The following AKR1D1 variants were observed in gnomAD, a reference collection of about 807,000 sequenced individuals.
The protein encoded by AKR1D1 is delta(4)-3-ketosteroid 5-beta-reductase.
In AKR1D1, 32 loss-of-function variants were observed where a neutral mutation model predicts 42.6. That is an observed-to-expected ratio of 0.75 (90% CI 0.57 to 1.01). AKR1D1 has a LOEUF of 1.01. AKR1D1 is among the 50% of genes least tolerant of loss of function. AKR1D1 has a pLI of 0.00. For missense variants in AKR1D1, 364 were observed against 402.2 expected (o/e 0.91, Z 0.81); for synonymous variants, 123 against 135.5 (o/e 0.91, Z 0.64).
Position 138,098,850 on chromosome 7 carries a change from C to G in AKR1D1, c.456+907C>G, listed in dbSNP as rs1484287054. ...GGAAGAAGATAATACAGGAGAGGAT[C>G]GGTTGGTCCTTTTGCACTTCCTTCA... On this transcript the variant is annotated intron_variant, in intron 4 of 8. Coordinates refer to ENST00000242375, the MANE Select transcript of AKR1D1 (RefSeq NM_005989.4). Among the ~76,000 whole-genome samples, 3 of 151,988 alleles carry G rather than the reference C, an allele frequency of 2.0e-5. 1 individual carries two copies. The highest frequency in any genetic ancestry group is 4.4e-5 in the Non-Finnish European group (3 of 68,014).
chr7:138,088,884 T>A, intron 2 of AKR1D1, 116 bp downstream of exon 2: 1 of 1,138,732 alleles, frequency 8.8e-7, no homozygotes, highest in South Asian at 1.4e-5. Flanking sequence ...AGGCAGTACT[T>A]AATAACAGTT....
At chr7:138,105,954 C>A (rs552948860) in intron 5 of AKR1D1, among the ~76,000 whole-genome samples, 4 of 151,632 alleles carry the variant, frequency 2.6e-5, no homozygotes, top group African/African-American at 9.7e-5. Context: ...AACACTAAGG[C>A]TCAACAGAAA....
At chr7:138,109,144 T>G (rs1334926375) in intron 7 of AKR1D1, among the ~76,000 whole-genome samples, 1 of 152,180 alleles carries the variant, frequency 6.6e-6, no homozygotes, top group Non-Finnish European at 1.5e-5. Context: ...ATATAGCCAT[T>G]TAAAAAATAC....
chr7:138,115,371 C>A (rs181433294), intron 8 of AKR1D1, among the ~76,000 whole-genome samples: 19 of 152,248 alleles, frequency 1.2e-4, no homozygotes, highest in African/African-American at 4.6e-4. Flanking sequence ...GGACCCCAGA[C>A]TTTGAGTGAG....
At chr7:138,105,565 T>C in intron 5 of AKR1D1, 136 bp downstream of exon 5, 1 of 1,305,782 alleles carries the variant, frequency 7.7e-7, no homozygotes, top group Non-Finnish European at 1.1e-6. Flanking sequence ...GTGCAAGTCT[T>C]TAGACTTCTT....
chr7:138,108,607 A>G (rs1794478023), intron 7 of AKR1D1, among the ~76,000 whole-genome samples: 1 of 152,220 alleles, frequency 6.6e-6, no homozygotes, highest in South Asian at 2.1e-4. Context: ...AGTTAATCAC[A>G]TAAAAGTAAG....
At chr7:138,105,716 G>A (rs1326489111) in intron 5 of AKR1D1, among the ~76,000 whole-genome samples, 3 of 152,040 alleles carry the variant, frequency 2.0e-5, no homozygotes, top group Non-Finnish European at 2.9e-5. Flanking sequence ...GTGAAACCCC[G>A]TCTGTACTAA....
chr7:138,116,928 A>G lies in AKR1D1; in HGVS notation c.*266A>G. 1 of 437,934 alleles carries G rather than the reference A, an allele frequency of 2.3e-6. No individual in the cohort carries two copies. 27.1% of individuals were successfully genotyped at this position (437,934 alleles called of 1,614,324 possible). On this transcript the variant is annotated 3_prime_UTR_variant, in exon 9 of 9. Coordinates refer to ENST00000242375, the MANE Select transcript of AKR1D1 (RefSeq NM_005989.4). ...ATCTTCTAGATTCCAGACAGAAAAAAATTACACTTCAGAAAAGACATCAAA... is the reference window on the plus strand; with the variant it reads ...ATCTTCTAGATTCCAGACAGAAAAAGATTACACTTCAGAAAAGACATCAAA...
At chr7:138,087,359 G>A (rs367637658) in intron 1 of AKR1D1, among the ~76,000 whole-genome samples, 3 of 152,190 alleles carry the variant, frequency 2.0e-5, no homozygotes, top group African/African-American at 7.2e-5. Flanking sequence ...AGTTTTGGAG[G>A]GGACAAAAAT....
chr7:138,112,230 AAAG>A (rs1212171472), intron 7 of AKR1D1, among the ~76,000 whole-genome samples: 1 of 152,222 alleles, frequency 6.6e-6, no homozygotes, highest in African/African-American at 2.4e-5. Flanking sequence ...GTTTAGCAAA[AAAG>A]AAGTCTGAGT....
intron 1 of AKR1D1, among the ~76,000 whole-genome samples, chr7:138,082,792 T>C (rs959208161): frequency 7.9e-5 from 12 of 152,224 alleles, no homozygotes. Context: ...TTATTTCACT[T>C]AGTATAATGT....
intron 2 of AKR1D1, among the ~76,000 whole-genome samples, chr7:138,089,433 A>AT (rs1794017996): frequency 6.6e-6 from 1 of 150,630 alleles, no homozygotes; most frequent in Admixed American, 6.6e-5. Flanking sequence ...ACAAACGTAA[A>AT]TTAAAAAAAA....
In AKR1D1 at chr7:138,105,391, A is replaced by AACAAGCCAGGACTCAAAC. The variant is rs764772726; in HGVS notation, c.551_568dup (p.Gly184_Pro189dup). The AACAAGCCAGGACTCAAAC allele has an allele frequency of 6.2e-7, 1 of 1,614,048 alleles. No homozygotes were observed. Among genetic ancestry groups the AACAAGCCAGGACTCAAAC allele is most frequent in the South Asian group, 1.1e-5 (1 of 91,078 alleles). ...CCGCAGGCAGCTGGAGCTCATCCTG[A>AACAAGCCAGGACTCAAAC]ACAAGCCAGGACTCAAACACAAGCC... is the stretch of plus-strand genomic sequence containing the variant. On this transcript the variant is annotated inframe_insertion, in exon 5 of 9. Coordinates refer to ENST00000242375, the MANE Select transcript of AKR1D1 (RefSeq NM_005989.4).
At chr7:138,094,226 T>C (rs544315881) in intron 3 of AKR1D1, among the ~76,000 whole-genome samples, 2 of 152,244 alleles carry the variant, frequency 1.3e-5, no homozygotes, top group African/African-American at 2.4e-5. Flanking sequence ...TTGCTTAAGG[T>C]AGGGTCAGCC....
chr7:138,112,180 T>C (rs748627875), intron 7 of AKR1D1, among the ~76,000 whole-genome samples: 1 of 152,214 alleles, frequency 6.6e-6, no homozygotes. Context: ...ATTTACTGGA[T>C]AAGAGGCTGA....
At chr7:138,088,045 C>T (rs1033043202) in intron 1 of AKR1D1, among the ~76,000 whole-genome samples, 2 of 152,018 alleles carry the variant, frequency 1.3e-5, no homozygotes, top group African/African-American at 4.8e-5. Context: ...CGCATGCCAC[C>T]ACATCCAGCT....
chr7:138,076,658 C>T (rs761463498), intron 1 of AKR1D1, 47 bp downstream of exon 1: 31 of 1,492,218 alleles, frequency 2.1e-5, no homozygotes, highest in Non-Finnish European at 2.9e-5. Flanking sequence ...TTTCTTTTAA[C>T]ATTTGCCTAT....
chr7:138,081,874 G>A (rs527817819), intron 1 of AKR1D1, among the ~76,000 whole-genome samples: 7 of 152,126 alleles, frequency 4.6e-5, no homozygotes, highest in African/African-American at 1.4e-4. Flanking sequence ...GAGACAACAA[G>A]CCCAGCCAAG....
intron 1 of AKR1D1, among the ~76,000 whole-genome samples, chr7:138,088,230 G>A (rs917622932): frequency 7.2e-5 from 11 of 152,118 alleles, no homozygotes; most frequent in African/African-American, 2.7e-4. Flanking sequence ...ATTCCATTCT[G>A]TGGATACATC....
Sources: gnomAD v4.1 joint callset for allele counts (sites outside exome capture counted in the v4.1 genomes callset) on GRCh38, gnomAD v4.1.1 for gene constraint, MANE v1.5 for transcripts, NCBI Gene and HGNC (gene_info 2026-07-23, HGNC 2026-07-21) for gene names.